BNIP3L: variants seen among roughly 807,000 people sequenced by gnomAD.
BNIP3L encodes BCL2 interacting protein 3 like.
BNIP3L carries 10 observed loss-of-function variants against 25.5 expected under a neutral mutation model. The ratio of observed to expected loss-of-function variants is 0.39; its 90% CI spans 0.24 to 0.67. The LOEUF (loss-of-function observed/expected upper bound fraction) is 0.67. BNIP3L is among the 30% of genes least tolerant of loss of function. BNIP3L has a pLI of 0.45. For missense variants in BNIP3L, 215 were observed against 270.9 expected (o/e 0.79, Z 1.45); for synonymous variants, 113 against 101.2 (o/e 1.12, Z -0.70).
At chr8:26,389,144 CT>C (rs1806053717) in intron 1 of BNIP3L, among the ~76,000 whole-genome samples, 1 of 152,112 alleles carries the variant, frequency 6.6e-6, no homozygotes, top group Non-Finnish European at 1.5e-5. Flanking sequence ...ACCTCTGCTT[CT>C]GTCAGAGCAG....
chr8:26,399,943 T>C (rs1369021224), intron 3 of BNIP3L, among the ~76,000 whole-genome samples: 1 of 150,260 alleles, frequency 6.7e-6, no homozygotes, highest in African/African-American at 2.5e-5. Flanking sequence ...GAACATTCCA[T>C]GCTCATGGGT....
At chr8:26,395,362 T>C in intron 3 of BNIP3L, 60 bp downstream of exon 3, 1 of 1,532,456 alleles carries the variant, frequency 6.5e-7, no homozygotes, top group Non-Finnish European at 9.0e-7. Context: ...ATTCTCTAAG[T>C]ATATTTTGCT....
At chr8:26,402,280 G>C (rs1184551044) in intron 3 of BNIP3L, among the ~76,000 whole-genome samples, 1 of 152,184 alleles carries the variant, frequency 6.6e-6, no homozygotes, top group African/African-American at 2.4e-5. Context: ...TATATAAGAT[G>C]ATCTGACTGG....
Position 26,410,594 on chromosome 8 carries a change from C to T in BNIP3L, c.*182C>T. ...AAACTCTGTTGAGGCATTTTACTAA[C>T]CTTATACCCTTTTTGGCCTGAAGAC... On this transcript the variant is annotated 3_prime_UTR_variant, in exon 6 of 6. Transcript: ENST00000380629. The T allele has an allele frequency of 1.5e-6, 1 of 662,254 alleles. No individual in the cohort carries two copies. The highest frequency in any genetic ancestry group is 2.6e-6 in the Non-Finnish European group (1 of 391,224). The allele number at this position is 662,254 out of a possible 1,614,324, so 41.0% of individuals were successfully genotyped here. A position where few individuals can be genotyped will look rare whatever the true frequency, so the allele number is the denominator to read the frequency against.
intron 2 of BNIP3L, among the ~76,000 whole-genome samples, chr8:26,391,806 G>A (rs1389974544): frequency 6.6e-6 from 1 of 152,162 alleles, no homozygotes; most frequent in Non-Finnish European, 1.5e-5. Flanking sequence ...GTATATATGT[G>A]TCTTCCCTTC....
intron 3 of BNIP3L, chr8:26,395,557 T>G: frequency 2.4e-6 from 1 of 423,502 alleles, no homozygotes; most frequent in East Asian, 4.3e-5. Context: ...CCAGGCTAGT[T>G]TCTTGAGTGT....
At chr8:26,404,074 T>A (rs1283478934) in intron 3 of BNIP3L, among the ~76,000 whole-genome samples, 1 of 152,226 alleles carries the variant, frequency 6.6e-6, no homozygotes, top group East Asian at 1.9e-4. Flanking sequence ...GAAAAATGTC[T>A]GCTGAGTTAT....
At chr8:26,383,316 G>A in intron 1 of BNIP3L, 86 bp downstream of exon 1, 2 of 1,531,584 alleles carry the variant, frequency 1.3e-6, no homozygotes, top group Non-Finnish European at 1.8e-6. Context: ...CGGGAGGCGG[G>A]AGGAGAAGGC....
At chr8:26,392,308 A>C (rs371139409) in intron 2 of BNIP3L, among the ~76,000 whole-genome samples, 1 of 152,048 alleles carries the variant, frequency 6.6e-6, no homozygotes, top group African/African-American at 2.4e-5. Flanking sequence ...TTAACCATTT[A>C]GAAAATGCAA....
intron 2 of BNIP3L, among the ~76,000 whole-genome samples, chr8:26,391,802 ATG>A (rs1288101722): frequency 6.6e-6 from 1 of 152,202 alleles, no homozygotes; most frequent in Non-Finnish European, 1.5e-5. Flanking sequence ...CTCTGTATAT[ATG>A]TGTCTTCCCT....
chr8:26,401,447 G>A (rs1262715578), intron 3 of BNIP3L, among the ~76,000 whole-genome samples: 5 of 151,608 alleles, frequency 3.3e-5, no homozygotes, highest in Admixed American at 2.6e-4. Flanking sequence ...GGATAGCATT[G>A]GGAGATATAC....
intron 1 of BNIP3L, among the ~76,000 whole-genome samples, chr8:26,387,711 ATT>A (rs1471882401): frequency 1.1e-4 from 17 of 152,230 alleles, no homozygotes; most frequent in Non-Finnish European, 2.2e-4. Context: ...ACCACTATGT[ATT>A]TCCATAGATG....
chr8:26,384,880 A>G (rs1467395622), intron 1 of BNIP3L, among the ~76,000 whole-genome samples: 1 of 152,006 alleles, frequency 6.6e-6, no homozygotes, highest in Non-Finnish European at 1.5e-5. Context: ...TATTTTTAGT[A>G]GAGACGAAGT....
chr8:26,403,531 C>CTTTTTTT (rs74738100), intron 3 of BNIP3L, among the ~76,000 whole-genome samples: 1 of 124,234 alleles, frequency 8.0e-6, no homozygotes, highest in African/African-American at 3.0e-5. Flanking sequence ...TACTCAGTTT[C>CTTTTTTT]TTTTTTTTTT....
At chr8:26,393,095 G>A (rs970709030) in intron 2 of BNIP3L, among the ~76,000 whole-genome samples, 7 of 151,842 alleles carry the variant, frequency 4.6e-5, no homozygotes, top group African/African-American at 1.7e-4. Context: ...AGAATGGCTA[G>A]AACTCGAGTC....
chr8:26,386,455 G>C (rs188312102), intron 1 of BNIP3L, among the ~76,000 whole-genome samples: 9 of 151,794 alleles, frequency 5.9e-5, no homozygotes, highest in Admixed American at 5.9e-4. Flanking sequence ...GTTTTGTTGA[G>C]ACAGGGTCTT....
intron 5 of BNIP3L, among the ~76,000 whole-genome samples, chr8:26,409,487 T>G (rs1806573288): frequency 1.3e-5 from 2 of 152,190 alleles, no homozygotes; most frequent in Admixed American, 6.5e-5. Flanking sequence ...TTGTCTCTCT[T>G]GGGTGCTTGA....
intron 3 of BNIP3L, among the ~76,000 whole-genome samples, chr8:26,401,936 T>C (rs1349267712): frequency 6.6e-6 from 1 of 152,222 alleles, no homozygotes; most frequent in Non-Finnish European, 1.5e-5. Flanking sequence ...AAAAGTGTCA[T>C]TAGAGTACAA....
rs765790935 is a variant in BNIP3L at position 26,408,052 on chromosome 8, G to T, written c.410G>T (p.Ser137Ile). The change falls in exon 4 of 6, where the codon AGT (serine) becomes ATT (isoleucine). Residue 137 changes from serine to isoleucine, a missense_variant. By Grantham distance (142) the Ser-to-Ile change is moderately radical. Coordinates refer to ENST00000380629, the MANE Select transcript of BNIP3L (RefSeq NM_004331.3). ...AAGGAAGTCGAGGCTTTGAAGAAAA[G>T]TGCGGACTGGGTATCAGACTGGTCC... ...GEKEVEALKK[S>I]ADWVSDWSSR... 2 of 1,614,094 alleles carry T rather than the reference G, an allele frequency of 1.2e-6. No homozygotes were observed. The highest frequency in any genetic ancestry group is 2.2e-5 in the East Asian group (1 of 44,902).
Sources: allele counts gnomAD v4.1 joint callset (sites outside exome capture counted in the v4.1 genomes callset), GRCh38; gene constraint gnomAD v4.1.1; transcripts MANE v1.5; gene names NCBI Gene and HGNC (gene_info 2026-07-23, HGNC 2026-07-21).